NRXN3: variants seen among roughly 807,000 people sequenced by gnomAD.
NRXN3 encodes neurexin III.
Under a neutral mutation model 137.6 loss-of-function variants are expected in NRXN3, and 32 were observed. The observed-to-expected ratio is 0.23, with a 90% confidence interval of 0.18 to 0.31. The LOEUF is 0.31. Ranked by LOEUF, NRXN3 falls within the 10% of genes least tolerant of loss-of-function variation. NRXN3 has a pLI of 1.00. For synonymous variants in NRXN3, 798 were observed against 784.5 expected (o/e 1.02, Z -0.29); for missense variants, 1,574 against 2,062.5 (o/e 0.76, Z 4.59).
chr14:79,025,221 T>C (rs899061675), intron 15 of NRXN3, among the ~76,000 whole-genome samples: 1 of 152,146 alleles, frequency 6.6e-6, no homozygotes, highest in African/African-American at 2.4e-5. Flanking sequence ...CTGCTGTTCT[T>C]TTCTGTTGGT....
intron 16 of NRXN3, among the ~76,000 whole-genome samples, chr14:79,622,736 A>G (rs2098238226): frequency 6.6e-6 from 1 of 152,096 alleles, no homozygotes; most frequent in African/African-American, 2.4e-5. Flanking sequence ...AGCTGGGACT[A>G]CAGGCATGTG....
At chr14:79,295,084 G>A (rs2083834058) in intron 15 of NRXN3, among the ~76,000 whole-genome samples, 1 of 152,038 alleles carries the variant, frequency 6.6e-6, no homozygotes, top group Non-Finnish European at 1.5e-5. Context: ...AACAAAGGCT[G>A]GCCCCTTATC....
At chr14:79,167,785 A>G (rs959053101) in intron 15 of NRXN3, among the ~76,000 whole-genome samples, 1 of 151,208 alleles carries the variant, frequency 6.6e-6, no homozygotes, top group African/African-American at 2.4e-5. Context: ...TGTCAGTCCC[A>G]CCTCTCTGGA....
intron 16 of NRXN3, among the ~76,000 whole-genome samples, chr14:79,518,522 A>G (rs2097021863): frequency 6.6e-6 from 1 of 152,056 alleles, no homozygotes; most frequent in Admixed American, 6.5e-5. Context: ...CTGTGTGTGT[A>G]TATATACATG....
chr14:78,206,954 C>T (rs1406756260), intron 1 of NRXN3, among the ~76,000 whole-genome samples: 2 of 152,032 alleles, frequency 1.3e-5, no homozygotes, highest in Non-Finnish European at 2.9e-5. Context: ...ACTTCTGCCT[C>T]CCGGGTTCAA....
intron 16 of NRXN3, among the ~76,000 whole-genome samples, chr14:79,511,294 T>G (rs2096930132): frequency 6.6e-6 from 1 of 152,148 alleles, no homozygotes; most frequent in Non-Finnish European, 1.5e-5. Context: ...GAACAGCTGC[T>G]GGAGATATAA....
Position 79,026,323 on chromosome 14 carries a change from G to A in NRXN3, c.3262+38182G>A, listed in dbSNP as rs79668134. On this transcript the variant is annotated intron_variant, in intron 15 of 20. Coordinates refer to ENST00000335750, the MANE Select transcript of NRXN3 (RefSeq NM_001330195.2). ...CTCTTGTAGTCTTGAGTAAGTGACT[G>A]TTCTTTCTGAGACAGATTTCCTCAT... Among the ~76,000 whole-genome samples, 202 of 152,214 alleles carry A rather than the reference G, an allele frequency of 1.3e-3. 4 individuals are homozygous for A. In the East Asian group the frequency reaches 0.036, roughly 27 times the overall value.
chr14:78,512,528 C>T (rs1204988663), intron 4 of NRXN3, among the ~76,000 whole-genome samples: 1 of 152,102 alleles, frequency 6.6e-6, no homozygotes, highest in African/African-American at 2.4e-5. Context: ...GGACAGCTGG[C>T]CAATATCTGC....
intron 4 of NRXN3, among the ~76,000 whole-genome samples, chr14:78,311,869 G>T (rs543590622): frequency 6.6e-6 from 1 of 152,080 alleles, no homozygotes; most frequent in South Asian, 2.1e-4. Context: ...TCAAATCTTA[G>T]AAGCATATAA....
chr14:78,450,437 T>G (rs965712673), intron 4 of NRXN3, among the ~76,000 whole-genome samples: 1 of 152,184 alleles, frequency 6.6e-6, no homozygotes, highest in Non-Finnish European at 1.5e-5. Context: ...GCAGGAACTG[T>G]GCTCCAGTCT....
intron 10 of NRXN3, among the ~76,000 whole-genome samples, chr14:78,939,705 C>T (rs1428714680): frequency 6.6e-6 from 1 of 152,102 alleles, no homozygotes; most frequent in Non-Finnish European, 1.5e-5. Flanking sequence ...AATGGGTTGA[C>T]CAGTTTAGGG....
chr14:78,763,438 T>C (rs1156971719), intron 8 of NRXN3, among the ~76,000 whole-genome samples: 5 of 152,032 alleles, frequency 3.3e-5, no homozygotes, highest in African/African-American at 9.7e-5. Context: ...GTGTGGTGTT[T>C]TGGTAGATTC....
At chr14:78,609,251 G>A (rs919476332) in intron 4 of NRXN3, among the ~76,000 whole-genome samples, 1 of 151,810 alleles carries the variant, frequency 6.6e-6, no homozygotes, top group African/African-American at 2.4e-5. Context: ...GTAGTTAAGG[G>A]CAGGGTAGAG....
intron 15 of NRXN3, among the ~76,000 whole-genome samples, chr14:79,025,282 T>C (rs546193453): frequency 3.9e-5 from 6 of 152,288 alleles, no homozygotes; most frequent in African/African-American, 1.4e-4. Flanking sequence ...TGCACTGTGA[T>C]TGGATAGTTA....
At chr14:79,826,191 C>T (rs931462246) in intron 20 of NRXN3, among the ~76,000 whole-genome samples, 5 of 152,066 alleles carry the variant, frequency 3.3e-5, no homozygotes, top group African/African-American at 1.2e-4. Context: ...AGGGGTTTCG[C>T]CATAGTGGCC....
chr14:78,457,873 G>A (rs58133297), intron 4 of NRXN3, among the ~76,000 whole-genome samples: 2,277 of 152,220 alleles, frequency 0.015, 56 homozygotes, highest in African/African-American at 0.053. Context: ...TCTTGCATTA[G>A]TTCTCTGAAT....
intron 16 of NRXN3, among the ~76,000 whole-genome samples, chr14:79,522,805 C>T (rs1461430532): frequency 2.0e-5 from 3 of 152,126 alleles, no homozygotes; most frequent in Non-Finnish European, 4.4e-5. Context: ...TAACTAGTTT[C>T]GGAGCACAAC....
At chr14:78,956,991 T>C (rs908236950) in intron 10 of NRXN3, among the ~76,000 whole-genome samples, 3 of 152,238 alleles carry the variant, frequency 2.0e-5, no homozygotes, top group African/African-American at 7.2e-5. Flanking sequence ...GAAAACCTTA[T>C]ATCTAAGATA....
intron 15 of NRXN3, among the ~76,000 whole-genome samples, chr14:79,031,151 G>A (rs2099607655): frequency 6.6e-6 from 1 of 152,116 alleles, no homozygotes; most frequent in Non-Finnish European, 1.5e-5. Flanking sequence ...CTGTTGAATG[G>A]TAATCCTAAG....
Sources: allele counts gnomAD v4.1 joint callset (sites outside exome capture counted in the v4.1 genomes callset), GRCh38; gene constraint gnomAD v4.1.1; transcripts MANE v1.5; gene names NCBI Gene and HGNC (gene_info 2026-07-23, HGNC 2026-07-21).